The following KIRREL3 variants were observed in gnomAD, a reference collection of about 807,000 sequenced individuals.
The protein encoded by KIRREL3 is kin of IRRE-like protein 3.
A neutral mutation model predicts 89.7 loss-of-function variants in KIRREL3; 36 were observed. The ratio of observed to expected loss-of-function variants is 0.40; its 90% CI spans 0.31 to 0.53. The LOEUF (loss-of-function observed/expected upper bound fraction) is 0.53. Ranked by LOEUF, KIRREL3 falls within the 20% of genes least tolerant of loss-of-function variation. The probability of loss-of-function intolerance (pLI) is 0.49; values close to 1 mark genes in which losing one functional copy is unlikely to be tolerated. For missense variants in KIRREL3, 864 were observed against 1,056.6 expected (o/e 0.82, Z 2.53); for synonymous variants, 445 against 441.4 (o/e 1.01, Z -0.10).
rs1473896188 is a variant in KIRREL3, at chr11:126,719,044, T to C, written c.56-156132A>G. On this transcript the variant is annotated intron_variant, in intron 1 of 16. Coordinates refer to ENST00000525144, the MANE Select transcript of KIRREL3 (RefSeq NM_032531.4). The surrounding 1 kb of genome is among the most constrained non-coding windows in gnomAD (Gnocchi z 4.7). Reference sequence around the variant, plus strand: ...CTTTTTTAAAATGGAGAAGCCTTTCTCATGTTTGTTTTCCTCCTGCTATAC... The same window carrying C: ...CTTTTTTAAAATGGAGAAGCCTTTCCCATGTTTGTTTTCCTCCTGCTATAC... Among the ~76,000 whole-genome samples the C allele has an allele frequency of 6.6e-6, 1 of 152,228 alleles. No homozygotes were observed. Among genetic ancestry groups the C allele is most frequent in the Non-Finnish European group, 1.5e-5 (1 of 68,042 alleles).
intron 1 of KIRREL3, among the ~76,000 whole-genome samples, chr11:126,821,107 G>A (rs1104759): frequency 0.25 from 37,958 of 151,532 alleles, 4,804 homozygotes; most frequent in Admixed American, 0.31. Flanking sequence ...TCCCCTTATC[G>A]CAGAGTTCAT....
At chr11:126,967,970 C>T (rs1379388839) in intron 1 of KIRREL3, among the ~76,000 whole-genome samples, 1 of 152,118 alleles carries the variant, frequency 6.6e-6, no homozygotes, top group Non-Finnish European at 1.5e-5. Context: ...ACAACAGAAT[C>T]CAGCCACCTG....
In KIRREL3 at chr11:126,705,340, G is replaced by T. The variant is rs1457221218; in HGVS notation, c.56-142428C>A. Among the ~76,000 whole-genome samples, 1 of 152,196 alleles carries T rather than the reference G, an allele frequency of 6.6e-6. No homozygotes were observed. The highest frequency in any genetic ancestry group is 6.5e-5 in the Admixed American group (1 of 15,286). On this transcript the variant is annotated intron_variant, in intron 1 of 16. Transcript: ENST00000525144. The surrounding 1 kb of genome is among the most constrained non-coding windows in gnomAD (Gnocchi z 4.3). ...TGGGTCATGAGGTCGGATTCCTCAG[G>T]AATGGTTTGGCACTAACCTCTTGGT...
At chr11:126,586,725 C>A (rs1941879446) in intron 1 of KIRREL3, among the ~76,000 whole-genome samples, 1 of 152,022 alleles carries the variant, frequency 6.6e-6, no homozygotes, top group Non-Finnish European at 1.5e-5. Flanking sequence ...TGCCACTTGT[C>A]CCTTTTGAAG....
rs751519492 is a variant in KIRREL3, at chr11:126,791,774, A to G, written c.55+208681T>C. On this transcript the variant is annotated intron_variant, in intron 1 of 16. Coordinates refer to ENST00000525144, the MANE Select transcript of KIRREL3 (RefSeq NM_032531.4). This position sits in a 1 kb window ranked among gnomAD's most constrained non-coding sequence, Gnocchi z 4.8. ...CCTTGCCTTCTTTGATTTCTAGAAG[A>G]CTTCCTTTGCTTGTAGACACCTTTT... 1.8e-4 allele frequency among the ~76,000 whole-genome samples: 27 copies of G among 152,134 alleles called. No homozygotes were observed. Among genetic ancestry groups the G allele is most frequent in the Non-Finnish European group, 3.7e-4 (25 of 68,018 alleles).
Position 126,755,233 on chromosome 11 carries a change from G to A in KIRREL3, c.56-192321C>T, listed in dbSNP as rs1333857330. Among the ~76,000 whole-genome samples, 1 of 152,158 alleles carries A rather than the reference G, an allele frequency of 6.6e-6. No individual in the cohort carries two copies. Among genetic ancestry groups the A allele is most frequent in the Non-Finnish European group, 1.5e-5 (1 of 68,036 alleles). The stretch of plus-strand genomic sequence containing the variant: ...GAGGGAAAAAAATGTATTCCCATCC[G>A]AGGCCCTTGCCTGCCCTCCTGTAGC... On this transcript the variant is annotated intron_variant, in intron 1 of 16. Coordinates refer to ENST00000525144, the MANE Select transcript of KIRREL3 (RefSeq NM_032531.4). The surrounding 1 kb of genome is among the most constrained non-coding windows in gnomAD (Gnocchi z 4.3).
chr11:126,733,853 T>G (rs1301546213), intron 1 of KIRREL3, among the ~76,000 whole-genome samples: 1 of 152,232 alleles, frequency 6.6e-6, no homozygotes, highest in East Asian at 1.9e-4. Flanking sequence ...GTGTCATGCC[T>G]ATGGATTCTC....
chr11:126,696,155 G>C lies in KIRREL3; in HGVS notation c.56-133243C>G, dbSNP rs1947084509. 6.6e-6 allele frequency among the ~76,000 whole-genome samples: 1 copy of C among 151,868 alleles called. No individual in the cohort carries two copies. Among genetic ancestry groups the C allele is most frequent in the South Asian group, 2.1e-4 (1 of 4,800 alleles). Reference sequence around the variant, plus strand: ...GCCTGTAGTCCCAGCTACTTGGGAGGCTGAGGTATGAGAATTGCTTGAACC... The same window carrying C: ...GCCTGTAGTCCCAGCTACTTGGGAGCCTGAGGTATGAGAATTGCTTGAACC... On this transcript the variant is annotated intron_variant, in intron 1 of 16. Transcript: ENST00000525144. This position sits in a 1 kb window ranked among gnomAD's most constrained non-coding sequence, Gnocchi z 4.4.
intron 6 of KIRREL3, among the ~76,000 whole-genome samples, chr11:126,461,277 G>C (rs915367590): frequency 6.6e-6 from 1 of 152,252 alleles, no homozygotes; most frequent in Non-Finnish European, 1.5e-5. Flanking sequence ...TCACCACACA[G>C]GAGGAGGCGG....
intron 8 of KIRREL3, among the ~76,000 whole-genome samples, chr11:126,447,203 C>T (rs944386167): frequency 1.3e-5 from 2 of 152,214 alleles, no homozygotes; most frequent in African/African-American, 4.8e-5. Context: ...CCCCACGGCT[C>T]TCATCCCCTT....
At chr11:126,488,943 G>A (rs1297521547) in intron 4 of KIRREL3, among the ~76,000 whole-genome samples, 2 of 152,316 alleles carry the variant, frequency 1.3e-5, no homozygotes, top group African/African-American at 4.8e-5. Context: ...ACATAGCCAC[G>A]GGCCTCGGAC....
In KIRREL3 at chr11:126,896,129, A is replaced by T. The variant is rs569334328; in HGVS notation, c.55+104326T>A. ...ATTCTTGTTTATCCCTGAAGAGCAC[A>T]TGTATAGCTTATAGCAAATAAAAAG... On this transcript the variant is annotated intron_variant, in intron 1 of 16. Transcript: ENST00000525144. The surrounding 1 kb of genome is among the most constrained non-coding windows in gnomAD (Gnocchi z 4.1). Among the ~76,000 whole-genome samples, 1 of 152,378 alleles carries T rather than the reference A, an allele frequency of 6.6e-6. No homozygotes were observed. Among genetic ancestry groups the T allele is most frequent in the African/African-American group, 2.4e-5 (1 of 41,598 alleles).
Position 126,677,299 on chromosome 11 carries a change from G to A in KIRREL3, c.56-114387C>T, listed in dbSNP as rs1268432873. On this transcript the variant is annotated intron_variant, in intron 1 of 16. Coordinates refer to ENST00000525144, the MANE Select transcript of KIRREL3 (RefSeq NM_032531.4). This position sits in a 1 kb window ranked among gnomAD's most constrained non-coding sequence, Gnocchi z 5.1. ...ACTTTCTGGCTAATGGATTAATGAG[G>A]AGAGGCTATAGATTCCCCTATTCTG... is the stretch of plus-strand genomic sequence containing the variant. 2.6e-5 allele frequency among the ~76,000 whole-genome samples: 4 copies of A among 152,122 alleles called. No homozygotes were observed. The highest frequency in any genetic ancestry group is 7.2e-5 in the African/African-American group (3 of 41,428).
At chr11:126,597,528 G>C (rs564682286) in intron 1 of KIRREL3, among the ~76,000 whole-genome samples, 1 of 152,332 alleles carries the variant, frequency 6.6e-6, no homozygotes, top group South Asian at 2.1e-4. Flanking sequence ...TTTGGAAACA[G>C]GGAAAGAGGA....
At position 126,564,245 on chromosome 11, in the gene KIRREL3, G is replaced by C. The variant is rs1322260927; in HGVS notation, c.56-1333C>G. 6.6e-6 allele frequency among the ~76,000 whole-genome samples: 1 copy of C among 152,194 alleles called. No homozygotes were observed. The highest frequency in any genetic ancestry group is 1.5e-5 in the Non-Finnish European group (1 of 68,042). ...AGCCAGTCAGTGTCTAGGCTCAAGA[G>C]GATAGACGGAGCGGGTCATTCCTCT... On this transcript the variant is annotated intron_variant, in intron 1 of 16. Transcript: ENST00000525144. This position sits in a 1 kb window ranked among gnomAD's most constrained non-coding sequence, Gnocchi z 7.4.
rs1344886893 is a variant in KIRREL3, at chr11:126,441,052, C to T, written c.1253-503G>A. ...AACAAATGGGAGCTGCTCGGCCAGA[C>T]GGGCCAACGGGAAGAAATGGTTGCT... On this transcript the variant is annotated intron_variant, in intron 10 of 16. Coordinates refer to ENST00000525144, the MANE Select transcript of KIRREL3 (RefSeq NM_032531.4). This position sits in a 1 kb window ranked among gnomAD's most constrained non-coding sequence, Gnocchi z 5.0. Among the ~76,000 whole-genome samples the T allele has an allele frequency of 3.3e-5, 5 of 152,226 alleles. No homozygotes were observed. Among genetic ancestry groups the T allele is most frequent in the South Asian group, 2.1e-4 (1 of 4,834 alleles).
At position 126,983,246 on chromosome 11, in the gene KIRREL3, G is replaced by A. The variant is rs772065790; in HGVS notation, c.55+17209C>T. ...TTTGATAATCCCAATAGATACACAC[G>A]GGGGAAGGTCATTTTCTCTAACTTA... On this transcript the variant is annotated intron_variant, in intron 1 of 16. Transcript: ENST00000525144. The surrounding 1 kb of genome is among the most constrained non-coding windows in gnomAD (Gnocchi z 4.9). Among the ~76,000 whole-genome samples the A allele has an allele frequency of 9.9e-5, 15 of 152,038 alleles. No individual in the cohort carries two copies. Among genetic ancestry groups the A allele is most frequent in the Admixed American group, 2.0e-4 (3 of 15,272 alleles).
chr11:126,969,488 G>A lies in KIRREL3; in HGVS notation c.55+30967C>T, dbSNP rs1372449533. Among the ~76,000 whole-genome samples, 1 of 152,168 alleles carries A rather than the reference G, an allele frequency of 6.6e-6. No homozygotes were observed. Among genetic ancestry groups the A allele is most frequent in the Admixed American group, 6.5e-5 (1 of 15,282 alleles). On this transcript the variant is annotated intron_variant, in intron 1 of 16. Transcript: ENST00000525144. The surrounding 1 kb of genome is among the most constrained non-coding windows in gnomAD (Gnocchi z 4.9). ...GAAGAATGAACAGGTGTGAACCAGG[G>A]GAAGAGGGAGTAAGAACGTCTCCTG... is the stretch of plus-strand genomic sequence containing the variant.
At chr11:126,942,963 G>A (rs945125053) in intron 1 of KIRREL3, among the ~76,000 whole-genome samples, 14 of 152,208 alleles carry the variant, frequency 9.2e-5, no homozygotes. Context: ...AGTATGTCAG[G>A]AGCTCTGATT....
Sources: allele counts gnomAD v4.1 joint callset (sites outside exome capture counted in the v4.1 genomes callset), GRCh38; gene constraint gnomAD v4.1.1; non-coding constraint Gnocchi (gnomAD v3.1); transcripts MANE v1.5; gene names NCBI Gene and HGNC (gene_info 2026-07-23, HGNC 2026-07-21).